DEPDC1B: variants seen among roughly 807,000 people sequenced by gnomAD.
The protein encoded by DEPDC1B is DEP domain containing 1B.
A neutral mutation model predicts 66.5 loss-of-function variants in DEPDC1B; 51 were observed. That is an observed-to-expected ratio of 0.77 (90% CI 0.61 to 0.97). DEPDC1B has a LOEUF of 0.97. Ranked by LOEUF, DEPDC1B falls within the 50% of genes least tolerant of loss-of-function variation. DEPDC1B has a pLI of 0.00. For synonymous variants in DEPDC1B, 226 were observed against 223.6 expected (o/e 1.01, Z -0.10); for missense variants, 552 against 637.1 (o/e 0.87, Z 1.44).
chr5:60,690,246 G>T (rs1412137548), intron 1 of DEPDC1B, among the ~76,000 whole-genome samples: 1 of 151,828 alleles, frequency 6.6e-6, no homozygotes, highest in East Asian at 1.9e-4. Context: ...AGAAAAACTA[G>T]AACTAATTTG....
chr5:60,629,362 G>C (rs560493946), intron 7 of DEPDC1B, among the ~76,000 whole-genome samples: 14 of 152,274 alleles, frequency 9.2e-5, no homozygotes, highest in Non-Finnish European at 1.3e-4. Flanking sequence ...TGTATATTCA[G>C]TGGTGGGATT....
At chr5:60,686,901 T>A in intron 2 of DEPDC1B, 61 bp downstream of exon 2, 10 of 1,589,580 alleles carry the variant, frequency 6.3e-6, no homozygotes, top group Non-Finnish European at 8.6e-6. Context: ...TTCAACAGAC[T>A]TGGACCAGAT....
chr5:60,684,581 A>G (rs752913051), intron 2 of DEPDC1B, among the ~76,000 whole-genome samples: 9 of 152,220 alleles, frequency 5.9e-5, no homozygotes, highest in African/African-American at 9.6e-5. Context: ...CACCATGTAT[A>G]AAAGTCAACT....
intron 6 of DEPDC1B, among the ~76,000 whole-genome samples, chr5:60,641,331 T>A (rs1243875611): frequency 6.6e-6 from 1 of 151,172 alleles, no homozygotes; most frequent in Non-Finnish European, 1.5e-5. Context: ...CCTATGTTCA[T>A]TCCTAGCTGA....
Position 60,597,656 on chromosome 5 carries a change from T to C in DEPDC1B, c.*97A>G. ...CTATATTTCAGTAGTCTTTGTTTTA[T>C]GCTTTTCTTTCTTCCACCACCAAAG... On this transcript the variant is annotated 3_prime_UTR_variant, in exon 11 of 11. Transcript: ENST00000265036. 1 of 1,336,462 alleles carries C rather than the reference T, an allele frequency of 7.5e-7. No individual in the cohort carries two copies. Among genetic ancestry groups the C allele is most frequent in the Non-Finnish European group, 1.0e-6 (1 of 969,776 alleles). 82.8% of individuals were successfully genotyped at this position (1,336,462 alleles called of 1,614,324 possible).
At chr5:60,619,962 A>G (rs1752663673) in intron 7 of DEPDC1B, among the ~76,000 whole-genome samples, 1 of 152,214 alleles carries the variant, frequency 6.6e-6, no homozygotes. Context: ...ATGGAACAGA[A>G]CAGAGCCCTC....
intron 6 of DEPDC1B, among the ~76,000 whole-genome samples, chr5:60,641,042 G>C (rs954686305): frequency 1.3e-5 from 2 of 152,128 alleles, no homozygotes; most frequent in Non-Finnish European, 2.9e-5. Flanking sequence ...ATACATATGA[G>C]ACAAGTTCCC....
intron 7 of DEPDC1B, among the ~76,000 whole-genome samples, chr5:60,609,636 A>T (rs1343084232): frequency 6.6e-6 from 1 of 152,198 alleles, no homozygotes; most frequent in Non-Finnish European, 1.5e-5. Flanking sequence ...CACTGTAAGG[A>T]CTGGTTAGGT....
intron 2 of DEPDC1B, among the ~76,000 whole-genome samples, chr5:60,685,497 T>C (rs1754392709): frequency 6.6e-6 from 1 of 152,134 alleles, no homozygotes. Context: ...ATATGTCTTG[T>C]GTACTCTATT....
At chr5:60,676,451 G>A (rs1036851384) in intron 2 of DEPDC1B, among the ~76,000 whole-genome samples, 1 of 151,836 alleles carries the variant, frequency 6.6e-6, no homozygotes, top group African/African-American at 2.4e-5. Context: ...GACTACAGGC[G>A]CATGGCACTA....
At chr5:60,699,459 A>AAAAC (rs1327139840) in intron 1 of DEPDC1B, among the ~76,000 whole-genome samples, 2 of 151,424 alleles carry the variant, frequency 1.3e-5, no homozygotes, top group East Asian at 3.9e-4. Flanking sequence ...AAAAAAAAAA[A>AAAAC]AAACAGGAAC....
rs1167727566 is a variant in DEPDC1B, at chr5:60,687,341, C to T, written c.49-114G>A. On this transcript the variant is annotated intron_variant, in intron 1 of 10. Coordinates refer to ENST00000265036, the MANE Select transcript of DEPDC1B (RefSeq NM_018369.3). Reference sequence around the variant, plus strand: ...TTTTCCACTTAAACTGCTTTAATAACAGGTAGAGCCTTGAAAATGTTTTAT... The same window carrying T: ...TTTTCCACTTAAACTGCTTTAATAATAGGTAGAGCCTTGAAAATGTTTTAT... 3 of 1,261,232 alleles carry T rather than the reference C, an allele frequency of 2.4e-6. No individual in the cohort carries two copies. In the African/African-American group the frequency reaches 4.5e-5, roughly 19 times the overall value. 78.1% of individuals were successfully genotyped at this position (1,261,232 alleles called of 1,614,324 possible).
At chr5:60,618,376 T>C (rs1323786482) in intron 7 of DEPDC1B, among the ~76,000 whole-genome samples, 4 of 151,974 alleles carry the variant, frequency 2.6e-5, no homozygotes, top group South Asian at 4.2e-4. Flanking sequence ...ATCAACAAAA[T>C]TGATAGACTG....
intron 1 of DEPDC1B, among the ~76,000 whole-genome samples, chr5:60,699,443 G>GAAAAAAAAAAAAAAAAAAAAAC (rs528758437): frequency 1.1e-5 from 1 of 89,380 alleles, no homozygotes; most frequent in African/African-American, 5.5e-5. Flanking sequence ...TTTTCTCCCA[G>GAAAAAAAAAAAAAAAAAAAAAC]AAAAAAAAAA....
intron 2 of DEPDC1B, among the ~76,000 whole-genome samples, chr5:60,677,322 ACACACTCTCTCTCTCTCTCT>A (rs1234127795): frequency 8.0e-5 from 8 of 99,656 alleles, no homozygotes; most frequent in African/African-American, 4.7e-4. Flanking sequence ...ACACACACAC[ACACACTCTCTCTCTCTCTCT>A]CTCTCTCTCT....
intron 6 of DEPDC1B, among the ~76,000 whole-genome samples, chr5:60,639,856 G>A (rs1426026078): frequency 2.6e-5 from 4 of 152,180 alleles, no homozygotes; most frequent in Non-Finnish European, 4.4e-5. Context: ...TCATTGCCTA[G>A]CTCTGGCTCA....
intron 7 of DEPDC1B, among the ~76,000 whole-genome samples, chr5:60,625,128 C>G (rs1752784171): frequency 6.6e-6 from 1 of 152,124 alleles, no homozygotes; most frequent in African/African-American, 2.4e-5. Flanking sequence ...GCTACATTGT[C>G]TTCATCCAGT....
At chr5:60,619,489 C>T (rs1752649795) in intron 7 of DEPDC1B, among the ~76,000 whole-genome samples, 1 of 152,144 alleles carries the variant, frequency 6.6e-6, no homozygotes, top group African/African-American at 2.4e-5. Flanking sequence ...TTCTTATACA[C>T]CAATAACAGA....
At chr5:60,662,848 C>T (rs2111950922) in intron 2 of DEPDC1B, among the ~76,000 whole-genome samples, 1 of 152,182 alleles carries the variant, frequency 6.6e-6, no homozygotes, top group South Asian at 2.1e-4. Context: ...GTATGCTTGA[C>T]CATTGAGGGA....
Sources: allele counts gnomAD v4.1 joint callset (sites outside exome capture counted in the v4.1 genomes callset), GRCh38; gene constraint gnomAD v4.1.1; transcripts MANE v1.5; gene names NCBI Gene and HGNC (gene_info 2026-07-23, HGNC 2026-07-21).